PDK4: variants seen among roughly 807,000 people sequenced by gnomAD.
PDK4 encodes pyruvate dehydrogenase kinase, isozyme 4.
In PDK4, 43 loss-of-function variants were observed where a neutral mutation model predicts 51.7. That is an observed-to-expected ratio of 0.83 (90% confidence interval 0.65 to 1.07). The LOEUF (loss-of-function observed/expected upper bound fraction) is 1.07, where lower values mean the gene tolerates loss of function less well. PDK4 is among the 50% of genes least tolerant of loss of function. The probability of loss-of-function intolerance (pLI) is 0.00; values close to 1 mark genes in which losing one functional copy is unlikely to be tolerated. For synonymous variants in PDK4, 170 were observed against 176.6 expected, an observed-to-expected ratio of 0.96 and a Z score of 0.30; for missense variants, 498 against 503.5, an observed-to-expected ratio of 0.99 and a Z score of 0.10.
chr7:95,589,846 C>A, intron 6 of PDK4, 130 bp from the exon 7 acceptor site: 1 of 616,928 alleles, frequency 1.6e-6, no homozygotes, highest in Non-Finnish European at 2.9e-6. Flanking sequence ...TCCCCAAATC[C>A]TGCCCTAGAA....
chr7:95,592,628 T>C (rs752323634), intron 4 of PDK4, 31 bp from the exon 5 acceptor site: 2 of 1,517,708 alleles, frequency 1.3e-6, no homozygotes, highest in Non-Finnish European at 9.2e-7. Context: ...AAAAAAATTG[T>C]TATAAAATTC....
At chr7:95,589,547 G>T (rs1791526541) in intron 7 of PDK4, 93 bp downstream of exon 7, 3 of 660,614 alleles carry the variant, frequency 4.5e-6, no homozygotes, top group South Asian at 4.3e-5. Flanking sequence ...AGATATTGAG[G>T]CTTCTGTTTT....
At position 95,585,614 on chromosome 7, in the gene PDK4, C is replaced by T. The variant is rs771640261; in HGVS notation, c.*27G>A. The T allele has an allele frequency of 2.7e-5, 42 of 1,578,100 alleles. No individual in the cohort carries two copies. The Middle Eastern group carries it at 5.9e-4, about 22-fold the overall frequency. On this transcript the variant is annotated 3_prime_UTR_variant, in exon 11 of 11. Transcript: ENST00000005178. ...AGCACTGGTGTAGACCCACTTTGAT[C>T]CCGTAAAGTGTCCTGAGTGTCCCTC...
At chr7:95,590,658 A>C (rs10263752) in intron 6 of PDK4, among the ~76,000 whole-genome samples, 2,823 of 152,216 alleles carry the variant, frequency 0.019, 89 homozygotes, top group African/African-American at 0.064. Flanking sequence ...ATTTATTTAC[A>C]TTTGCTTGTC....
At position 95,592,847 on chromosome 7, in the gene PDK4, C is replaced by G. The variant is rs1791568907; in HGVS notation, c.442G>C (p.Asp148His). The G allele has an allele frequency of 1.2e-6, 2 of 1,611,938 alleles. No homozygotes were observed. The highest frequency in any genetic ancestry group is 2.7e-5 in the African/African-American group (2 of 74,858). Residue 148 changes from aspartate (D) to histidine (H), a missense_variant, in exon 4 of 11, where the codon GAC becomes CAC. Coordinates refer to ENST00000005178, the MANE Select transcript of PDK4 (RefSeq NM_002612.4). ...IIEYKDACTV[D>H]PVTNQNLQYF... The stretch of plus-strand genomic sequence containing the variant: ...TGAAGATTTTGATTGGTGACTGGGT[C>G]AACTGTACAGGCATCTTTATACTCT...
At chr7:95,594,471 C>A (rs151312744) in intron 2 of PDK4, among the ~76,000 whole-genome samples, 191 of 151,942 alleles carry the variant, frequency 1.3e-3, no homozygotes, top group African/African-American at 4.4e-3. Context: ...TTTCATTACA[C>A]TCAAACATCC....
At position 95,596,308 on chromosome 7, in the gene PDK4, G is replaced by A. The variant is rs1375988528; in HGVS notation, c.-15C>T. On this transcript the variant is annotated 5_prime_UTR_variant, in exon 1 of 11. Transcript: ENST00000005178. ...GCCGCCTTCATCTTGACGCCCACCC[G>A]GCCTGGCGGGGACTGTGGCTGGCTT... The A allele has an allele frequency of 1.9e-6, 3 of 1,561,090 alleles. 1 individual carries two copies. Among genetic ancestry groups the A allele is most frequent in the South Asian group, 2.3e-5 (2 of 85,380 alleles).
rs151033102 is a variant in PDK4, at chr7:95,584,558, G to C, written c.*1083C>G. 1.3e-5 allele frequency: 2 copies of C among 151,986 alleles called. No homozygotes were observed. The highest frequency in any genetic ancestry group is 2.4e-5 in the African/African-American group (1 of 41,366). The allele number at this position is 151,986 out of a possible 1,614,324, so 9.4% of individuals were successfully genotyped here. On this transcript the variant is annotated 3_prime_UTR_variant, in exon 11 of 11. Coordinates refer to ENST00000005178, the MANE Select transcript of PDK4 (RefSeq NM_002612.4). ...TTGCTTAAAATAATTACTCTAAAAG[G>C]TACTTAAATTCTAATGTTCTTGAGC...
At chr7:95,595,729 G>A (rs1357739352) in intron 1 of PDK4, among the ~76,000 whole-genome samples, 1 of 152,196 alleles carries the variant, frequency 6.6e-6, no homozygotes, top group African/African-American at 2.4e-5. Flanking sequence ...GCAGAGAGAT[G>A]TACCCTGTGG....
At chr7:95,589,486 TTGAC>T (rs1215235278) in intron 7 of PDK4, among the ~76,000 whole-genome samples, 150 bp downstream of exon 7, 1 of 152,242 alleles carries the variant, frequency 6.6e-6, no homozygotes, top group African/African-American at 2.4e-5. Flanking sequence ...TTGTCAAACA[TTGAC>T]TGTATAGTTT....
At chr7:95,590,139 A>G (rs1791533317) in intron 6 of PDK4, among the ~76,000 whole-genome samples, 1 of 152,130 alleles carries the variant, frequency 6.6e-6, no homozygotes, top group African/African-American at 2.4e-5. Context: ...TATAAATTAG[A>G]TTTTGTGGAT....
At chr7:95,592,283 A>G (rs1791561390) in intron 5 of PDK4, among the ~76,000 whole-genome samples, 1 of 152,168 alleles carries the variant, frequency 6.6e-6, no homozygotes, top group South Asian at 2.1e-4. Flanking sequence ...TAAATACAAC[A>G]TATAAAATAT....
Position 95,596,305 on chromosome 7 carries a change from C to T in PDK4, c.-12G>A, listed in dbSNP as rs373501807. On this transcript the variant is annotated 5_prime_UTR_variant, in exon 1 of 11. It adds an upstream start codon to the 5' untranslated region. Coordinates refer to ENST00000005178, the MANE Select transcript of PDK4 (RefSeq NM_002612.4). ...CGGGCCGCCTTCATCTTGACGCCCA[C>T]CCGGCCTGGCGGGGACTGTGGCTGG... 725 of 1,563,718 alleles carry T rather than the reference C, an allele frequency of 4.6e-4. No homozygotes were observed. In the African/African-American group the frequency reaches 9.2e-3, roughly 20 times the overall value.
chr7:95,592,801 TAAA>T lies in PDK4; in HGVS notation c.485_487del (p.Phe162del), dbSNP rs1791567907. The T allele has an allele frequency of 6.2e-7, 1 of 1,613,210 alleles. No individual in the cohort carries two copies. The highest frequency in any genetic ancestry group is 8.5e-7 in the Non-Finnish European group (1 of 1,179,556). ...CATCCGAGTAGAAATACGGTTCATG[TAAA>T]ATCGATCCAAGAAATATTGAAGATT... On this transcript the variant is annotated inframe_deletion, in exon 4 of 11. Coordinates refer to ENST00000005178, the MANE Select transcript of PDK4 (RefSeq NM_002612.4).
At position 95,593,754 on chromosome 7, in the gene PDK4, T is replaced by A; in HGVS notation, c.289A>T (p.Met97Leu). 1 of 1,553,156 alleles carries A rather than the reference T, an allele frequency of 6.4e-7. No individual in the cohort carries two copies. ...TTCTCATGGAATTCCACCAAATCCA[T>A]CAGGCTCTGTATATACCTGTAAAGA... The part of the protein sequence containing the change: ...LVKSWYIQSL[M>L]DLVEFHEKSP... The change falls in exon 3 of 11, where the codon ATG becomes TTG. Residue 97 changes from methionine (M) to leucine (L), a missense_variant. Transcript: ENST00000005178.
chr7:95,592,862 C>G lies in PDK4; in HGVS notation c.427G>C (p.Asp143His). ...GTGACTGGGTCAACTGTACAGGCAT[C>G]TTTATACTCTATGATTCCTTGTGCC... ...TMAQGIIEYK[D>H]ACTVDPVTNQ... is the part of the protein sequence containing the mutation. Residue 143 changes from aspartate to histidine, a missense_variant, in exon 4 of 11, where the codon GAT (aspartate) becomes CAT (histidine). By Grantham distance (81) the Asp-to-His change is moderately conservative. Transcript: ENST00000005178. 1 of 1,611,946 alleles carries G rather than the reference C, an allele frequency of 6.2e-7. No individual in the cohort carries two copies. Among genetic ancestry groups the G allele is most frequent in the Non-Finnish European group, 8.5e-7 (1 of 1,178,286 alleles).
At chr7:95,592,484 AG>A (rs779460707) in intron 5 of PDK4, 26 bp downstream of exon 5, 8 of 1,259,746 alleles carry the variant, frequency 6.4e-6, no homozygotes, top group Admixed American at 1.7e-5. Flanking sequence ...ATTTTCAATA[AG>A]GGAAGTGCAG....
intron 10 of PDK4, 56 bp from the exon 11 acceptor site, chr7:95,585,837 T>C: frequency 1.3e-6 from 2 of 1,490,588 alleles, no homozygotes; most frequent in Non-Finnish European, 1.8e-6. Context: ...TGGCATAATT[T>C]GCACTTGAAG....
chr7:95,594,872 T>C (rs1427233260), intron 2 of PDK4, 151 bp downstream of exon 2: 3 of 452,546 alleles, frequency 6.6e-6, no homozygotes, highest in African/African-American at 6.0e-5. Flanking sequence ...AATGATAACT[T>C]ACCCTAAATT....
Sources: allele counts gnomAD v4.1 joint callset (sites outside exome capture counted in the v4.1 genomes callset), GRCh38; gene constraint gnomAD v4.1.1; transcripts MANE v1.5; gene names NCBI Gene and HGNC (gene_info 2026-07-23, HGNC 2026-07-21).